Variants in ACAD10 observed in about 807,000 individuals in gnomAD.
ACAD10 encodes acyl-CoA dehydrogenase family member 10.
In ACAD10, 112 loss-of-function variants were observed where a neutral mutation model predicts 116.8. That is an observed-to-expected ratio of 0.96 (90% confidence interval 0.82 to 1.12). ACAD10 has a LOEUF of 1.12. ACAD10 is among the 50% of genes most tolerant of loss of function. ACAD10 has a pLI of 0.00. For synonymous variants in ACAD10, 486 were observed against 510.6 expected, an observed-to-expected ratio of 0.95 and a Z score of 0.65; for missense variants, 1,259 against 1,350.2, an observed-to-expected ratio of 0.93 and a Z score of 1.06.
intron 1 of ACAD10, among the ~76,000 whole-genome samples, chr12:111,688,627 A>C (rs565327283): frequency 8.4e-4 from 127 of 151,506 alleles, no homozygotes; most frequent in Non-Finnish European, 1.5e-3. Context: ...CATGGTTAAC[A>C]CCCGTCTCCA....
At chr12:111,747,014 A>G (rs773217319) in intron 14 of ACAD10, 35 bp from the exon 15 acceptor site, 85 of 1,541,646 alleles carry the variant, frequency 5.5e-5, no homozygotes, top group Non-Finnish European at 7.0e-5. Flanking sequence ...AGAAGAGGAC[A>G]TGACAGTCAT....
intron 1 of ACAD10, 150 bp from the exon 2 acceptor site, chr12:111,692,547 A>C: frequency 2.8e-6 from 2 of 725,776 alleles, no homozygotes; most frequent in Non-Finnish European, 4.4e-6. Flanking sequence ...CCAGGGAGGG[A>C]GGAGACACTG....
chr12:111,692,214 C>T (rs542833205), intron 1 of ACAD10, among the ~76,000 whole-genome samples: 7 of 152,316 alleles, frequency 4.6e-5, no homozygotes, highest in Admixed American at 1.3e-4. Flanking sequence ...GTGATCCACC[C>T]GCCTTGGCCT....
chr12:111,736,393 A>G (rs1255095430), intron 11 of ACAD10, among the ~76,000 whole-genome samples: 1 of 149,542 alleles, frequency 6.7e-6, no homozygotes, highest in Non-Finnish European at 1.5e-5. Context: ...GTTTCACCAT[A>G]TTGGTCAGGC....
chr12:111,727,432 G>A (rs1049061493), intron 8 of ACAD10, among the ~76,000 whole-genome samples: 14 of 151,698 alleles, frequency 9.2e-5, no homozygotes, highest in African/African-American at 3.4e-4. Context: ...GCTGAGGCAG[G>A]AGAATGGTAT....
At chr12:111,695,780 G>A (rs1395682677) in intron 2 of ACAD10, among the ~76,000 whole-genome samples, 2 of 152,064 alleles carry the variant, frequency 1.3e-5, no homozygotes, top group South Asian at 2.1e-4. Flanking sequence ...TTGGGAGGAC[G>A]AGATGGGCGG....
rs779624721 is a variant in ACAD10 at position 111,721,688 on chromosome 12, C to G, written c.1010C>G (p.Ala337Gly). ...EREFRIMKAL[A>G]NAGVPVPNVL... ...CCTTGCAGGATTATGAAAGCCCTTG[C>G]AAATGCTGGAGTACCTGTCCCTAAC... The change falls in exon 8 of 21, where the codon GCA (alanine) becomes GGA (glycine). Residue 337 changes from alanine to glycine, a missense_variant. Coordinates refer to ENST00000313698, the MANE Select transcript of ACAD10 (RefSeq NM_025247.6). 4 of 1,605,204 alleles carry G rather than the reference C, an allele frequency of 2.5e-6. No homozygotes were observed. Among genetic ancestry groups the G allele is most frequent in the Non-Finnish European group, 3.4e-6 (4 of 1,172,972 alleles).
chr12:111,747,644 C>T (rs1229308789), intron 16 of ACAD10: 2 of 1,285,470 alleles, frequency 1.6e-6, no homozygotes, highest in Non-Finnish European at 2.0e-6. Flanking sequence ...CACATGTGAC[C>T]CCAGGAATCT....
chr12:111,752,306 T>C (rs1466510417), intron 18 of ACAD10, among the ~76,000 whole-genome samples: 1 of 151,866 alleles, frequency 6.6e-6, no homozygotes, highest in African/African-American at 2.4e-5. Flanking sequence ...GTTGTTGTTA[T>C]TGTTTTAAGC....
rs1889843930 is a variant in ACAD10, at chr12:111,744,830, G to A, written c.1902G>A (p.Arg634=). 1 of 1,614,094 alleles carries A rather than the reference G, an allele frequency of 6.2e-7. No homozygotes were observed. The highest frequency in any genetic ancestry group is 8.5e-7 in the Non-Finnish European group (1 of 1,180,046). ...PQSQWCPTGS[R]SYSSVPEASP... The stretch of plus-strand genomic sequence containing the variant: ...CCCAGTGGTGCCCCACAGGCAGCAG[G>A]AGTTATAGCTCCGTTCCAGAAGCTT... Residue 634 remains arginine (R), a synonymous_variant, in exon 13 of 21, where the codon AGG becomes AGA. Transcript: ENST00000313698.
At chr12:111,693,518 A>G (rs1888113303) in intron 2 of ACAD10, among the ~76,000 whole-genome samples, 1 of 152,172 alleles carries the variant, frequency 6.6e-6, no homozygotes, top group African/African-American at 2.4e-5. Flanking sequence ...AGCCTGGGTA[A>G]CAGAGCAAGA....
intron 19 of ACAD10, 149 bp downstream of exon 19, chr12:111,754,064 C>A: frequency 1.7e-6 from 2 of 1,190,336 alleles, no homozygotes; most frequent in Non-Finnish European, 1.1e-6. Context: ...ATTGGAAAGG[C>A]ACAAGAAGAG....
chr12:111,705,838 G>A lies in ACAD10; in HGVS notation c.437G>A (p.Arg146Gln), dbSNP rs1346481369. 6 of 1,614,068 alleles carry A rather than the reference G, an allele frequency of 3.7e-6. No individual in the cohort carries two copies. In the East Asian group the frequency reaches 8.9e-5, roughly 24 times the overall value. The change falls in exon 4 of 21, where the codon CGG becomes CAG. Residue 146 changes from arginine to glutamine, a missense_variant. Coordinates refer to ENST00000313698, the MANE Select transcript of ACAD10 (RefSeq NM_025247.6). ...PVMTEAITQI[R>Q]AKGLQTAVLS... is the part of the protein sequence containing the mutation. ...ATGACTGAGGCCATAACTCAAATTC[G>A]GGCAAAAGGTCTTCAGACTGCAGTC...
chr12:111,754,440 C>T (rs973650513), intron 19 of ACAD10, among the ~76,000 whole-genome samples: 10 of 152,296 alleles, frequency 6.6e-5, no homozygotes, highest in Admixed American at 5.2e-4. Flanking sequence ...CGCAAACCTC[C>T]ATGCCCAGCT....
At position 111,734,045 on chromosome 12, in the gene ACAD10, C is replaced by A; in HGVS notation, c.1517C>A (p.Pro506Gln). ...TACAGCTGCCTGGCTCATTACCTGC[C>A]ATCCAGTTTTCCCGTGCTGAGAGGT... Reference protein sequence around the residue: ...VAYSCLAHYLPSSFPVLRGIN... With the variant: ...VAYSCLAHYLQSSFPVLRGIN... Residue 506 changes from proline to glutamine, a missense_variant, in exon 11 of 21, where the codon CCA becomes CAA. Physicochemically the swap from Pro to Gln is moderately conservative, Grantham distance 76. Transcript: ENST00000313698. 1 of 1,614,198 alleles carries A rather than the reference C, an allele frequency of 6.2e-7. No homozygotes were observed. Among genetic ancestry groups the A allele is most frequent in the Non-Finnish European group, 8.5e-7 (1 of 1,180,044 alleles).
At chr12:111,686,910 A>C (rs1315239611) in intron 1 of ACAD10, among the ~76,000 whole-genome samples, 3 of 152,216 alleles carry the variant, frequency 2.0e-5, no homozygotes, top group African/African-American at 7.2e-5. Context: ...CTACATCAGC[A>C]GTTGTGCAGT....
chr12:111,714,287 A>C (rs1440655800), intron 6 of ACAD10, among the ~76,000 whole-genome samples: 1 of 151,910 alleles, frequency 6.6e-6, no homozygotes, highest in African/African-American at 2.4e-5. Context: ...AACGCAACAA[A>C]TTGTCTCCAT....
chr12:111,742,930 G>A (rs112350545), intron 12 of ACAD10, among the ~76,000 whole-genome samples: 11 of 151,802 alleles, frequency 7.2e-5, no homozygotes, highest in African/African-American at 2.7e-4. Flanking sequence ...GGCTGGTCTC[G>A]AACTGACCTC....
In ACAD10 at chr12:111,702,160, A is replaced by G. The variant is rs1308352106; in HGVS notation, c.188-2A>G. 3.7e-6 allele frequency: 6 copies of G among 1,610,584 alleles called. No individual in the cohort carries two copies. The highest frequency in any genetic ancestry group is 1.1e-5 in the South Asian group (1 of 90,140). On this transcript the variant is annotated splice_acceptor_variant, in intron 2 of 20. Transcript: ENST00000313698. LOFTEE classifies it high-confidence loss of function. Reference sequence around the variant, plus strand: ...CACTTTTGCATATTTTGCTTCCTATAGAATGGGAGGTACAGAATCGTATCC... The same window carrying G: ...CACTTTTGCATATTTTGCTTCCTATGGAATGGGAGGTACAGAATCGTATCC...
Sources: allele counts gnomAD v4.1 joint callset (sites outside exome capture counted in the v4.1 genomes callset), GRCh38; gene constraint gnomAD v4.1.1; transcripts MANE v1.5; gene names NCBI Gene and HGNC (gene_info 2026-07-23, HGNC 2026-07-21).